Variants in NINJ2 observed in about 807,000 individuals in gnomAD.
The protein encoded by NINJ2 is ninjurin-2.
NINJ2 carries 12 observed loss-of-function variants against 11.7 expected under a neutral mutation model. The observed-to-expected ratio is 1.02, with a 90% confidence interval of 0.66 to 1.66. The LOEUF (loss-of-function observed/expected upper bound fraction) is 1.66. NINJ2 is among the 40% of genes most tolerant of loss of function. The pLI is 0.00. For missense variants in NINJ2, 187 were observed against 181.8 expected, an observed-to-expected ratio of 1.03 and a Z score of -0.16; for synonymous variants, 93 against 76.8, an observed-to-expected ratio of 1.21 and a Z score of -1.10.
At chr12:659,316 T>G (rs1937925302) in intron 1 of NINJ2, among the ~76,000 whole-genome samples, 1 of 151,426 alleles carries the variant, frequency 6.6e-6, no homozygotes, top group Non-Finnish European at 1.5e-5. Flanking sequence ...GCAGCACAGG[T>G]GGAAAAAAAG....
intron 1 of NINJ2, among the ~76,000 whole-genome samples, chr12:611,263 T>TTCCCTCTC (rs1555165051): frequency 7.9e-6 from 1 of 126,370 alleles, no homozygotes; most frequent in Non-Finnish European, 1.8e-5. Flanking sequence ...CTCTCTTTCT[T>TTCCCTCTC]TCTTTCTTTC....
intron 1 of NINJ2, among the ~76,000 whole-genome samples, chr12:570,515 C>G (rs1056494116): frequency 6.6e-6 from 1 of 152,214 alleles, no homozygotes; most frequent in Non-Finnish European, 1.5e-5. Flanking sequence ...AGCAGGGTGG[C>G]CCCCGCTCCC....
At chr12:652,363 GACAA>G (rs1937807691) in intron 1 of NINJ2, among the ~76,000 whole-genome samples, 1 of 152,160 alleles carries the variant, frequency 6.6e-6, no homozygotes, top group Non-Finnish European at 1.5e-5. Flanking sequence ...GACTTTCTCA[GACAA>G]ACAAAACTAA....
intron 1 of NINJ2, among the ~76,000 whole-genome samples, chr12:609,719 T>C (rs2535403): frequency 0.61 from 90,188 of 146,966 alleles, 28,503 homozygotes; most frequent in African/African-American, 0.77. Context: ...TGCAGTGAGC[T>C]GAGATTGCAC....
intron 1 of NINJ2, among the ~76,000 whole-genome samples, chr12:582,017 C>A (rs1254087177): frequency 1.3e-5 from 2 of 152,200 alleles, no homozygotes; most frequent in African/African-American, 2.4e-5. Context: ...CCCTGTGCAT[C>A]CCCCTTCACT....
intron 1 of NINJ2, among the ~76,000 whole-genome samples, chr12:656,722 C>T (rs916468576): frequency 1.3e-5 from 2 of 150,014 alleles, no homozygotes; most frequent in Admixed American, 6.7e-5. Context: ...GCACTGTAGC[C>T]TGGGTGACAG....
At position 591,938 on chromosome 12, in the gene NINJ2, A is replaced by T. The variant is rs1476494941; in HGVS notation, c.34-25760T>A. On this transcript the variant is annotated intron_variant, in intron 1 of 3. Coordinates refer to ENST00000305108, the MANE Select transcript of NINJ2 (RefSeq NM_016533.6). The surrounding 1 kb of genome is among the most constrained non-coding windows in gnomAD (Gnocchi z 5.0). ...GGCCCCCAGGCGTTTTTCCCGGGTC[A>T]CTCCCTTTGCCCCTCCTGCTCTGCT... Among the ~76,000 whole-genome samples, 1 of 151,342 alleles carries T rather than the reference A, an allele frequency of 6.6e-6. No homozygotes were observed. Among genetic ancestry groups the T allele is most frequent in the Non-Finnish European group, 1.5e-5 (1 of 67,904 alleles).
intron 1 of NINJ2, among the ~76,000 whole-genome samples, chr12:629,896 A>AAAATATATATATAT: frequency 1.0e-4 from 1 of 9,902 alleles, no homozygotes; most frequent in African/African-American, 1.5e-4. Context: ...AAAAAAAAAA[A>AAAATATATATATAT]ATATATATAT....
intron 1 of NINJ2, among the ~76,000 whole-genome samples, chr12:595,980 G>A (rs571310708): frequency 1.3e-5 from 2 of 152,266 alleles, no homozygotes; most frequent in Admixed American, 1.3e-4. Context: ...ACAATTTGAT[G>A]AGAATGGCCA....
intron 1 of NINJ2, among the ~76,000 whole-genome samples, chr12:626,666 CA>C (rs1380665040): frequency 6.6e-6 from 1 of 152,162 alleles, no homozygotes; most frequent in African/African-American, 2.4e-5. Context: ...GTGCCTGGTT[CA>C]AATCCTGGCT....
At position 585,335 on chromosome 12, in the gene NINJ2, C is replaced by A. The variant is rs111830409; in HGVS notation, c.34-19157G>T. 6.6e-6 allele frequency among the ~76,000 whole-genome samples: 1 copy of A among 152,184 alleles called. No homozygotes were observed. Among genetic ancestry groups the A allele is most frequent in the African/African-American group, 2.4e-5 (1 of 41,440 alleles). On this transcript the variant is annotated intron_variant, in intron 1 of 3. Coordinates refer to ENST00000305108, the MANE Select transcript of NINJ2 (RefSeq NM_016533.6). The surrounding 1 kb of genome is among the most constrained non-coding windows in gnomAD (Gnocchi z 4.1). ...CTGCCCATGCCAAGAGGGGTCCATA[C>A]CAACTTCCGGAATAAACGAGGCCAA...
chr12:625,628 C>G (rs1191715414), intron 1 of NINJ2, among the ~76,000 whole-genome samples: 1 of 152,150 alleles, frequency 6.6e-6, no homozygotes. Flanking sequence ...CCTCCGTTCT[C>G]TATGGTCCTC....
chr12:565,933 C>A lies in NINJ2; in HGVS notation c.262+17G>T. ...GGTGCCGAGGCAGAAGGTCTGACTG[C>A]AGGCTGGGCTCCTCACCAATGACCA... On this transcript the variant is annotated intron_variant, in intron 2 of 3. Coordinates refer to ENST00000305108, the MANE Select transcript of NINJ2 (RefSeq NM_016533.6). 1 of 1,610,236 alleles carries A rather than the reference C, an allele frequency of 6.2e-7. No homozygotes were observed. The highest frequency in any genetic ancestry group is 8.5e-7 in the Non-Finnish European group (1 of 1,176,428).
At chr12:601,477 G>A (rs1315660222) in intron 1 of NINJ2, among the ~76,000 whole-genome samples, 1 of 151,944 alleles carries the variant, frequency 6.6e-6, no homozygotes, top group African/African-American at 2.4e-5. Flanking sequence ...GAACCTGGGA[G>A]GCGGAGCTTA....
chr12:587,061 G>T (rs915311706), intron 1 of NINJ2, among the ~76,000 whole-genome samples: 1 of 152,228 alleles, frequency 6.6e-6, no homozygotes, highest in South Asian at 2.1e-4. Context: ...AAGGGAAAGC[G>T]TAGGCTCCCC....
chr12:644,927 A>T (rs1937652464), intron 1 of NINJ2: 1 of 152,202 alleles, frequency 6.6e-6, no homozygotes, highest in African/African-American at 2.4e-5. Context: ...TGAGAGAAGC[A>T]GGAGAATGTT....
intron 1 of NINJ2, among the ~76,000 whole-genome samples, chr12:621,817 G>GAA (rs544238368): frequency 0.018 from 2,222 of 126,616 alleles, 38 homozygotes; most frequent in African/African-American, 0.035. Flanking sequence ...CTCCGTCTCA[G>GAA]AAAAAAAAAA....
chr12:565,565 C>A, intron 2 of NINJ2, 164 bp from the exon 3 acceptor site: 1 of 705,468 alleles, frequency 1.4e-6, no homozygotes, highest in Non-Finnish European at 2.4e-6. Flanking sequence ...CTGCCCTCGC[C>A]AACCAGTACA....
At chr12:615,605 C>T (rs1304443995) in intron 1 of NINJ2, among the ~76,000 whole-genome samples, 1 of 152,146 alleles carries the variant, frequency 6.6e-6, no homozygotes, top group African/African-American at 2.4e-5. Flanking sequence ...AAAAGAAACT[C>T]TGCTCACCCT....
Sources: allele counts gnomAD v4.1 joint callset (sites outside exome capture counted in the v4.1 genomes callset), GRCh38; gene constraint gnomAD v4.1.1; non-coding constraint Gnocchi (gnomAD v3.1); transcripts MANE v1.5; gene names NCBI Gene and HGNC (gene_info 2026-07-23, HGNC 2026-07-21).